NTN4: variants seen among roughly 807,000 people sequenced by gnomAD.
The protein encoded by NTN4 is netrin 4.
NTN4 carries 32 observed loss-of-function variants against 73.6 expected under a neutral mutation model. The observed-to-expected ratio is 0.44, with a 90% confidence interval of 0.33 to 0.58. The LOEUF is 0.58. NTN4 is among the 20% of genes least tolerant of loss of function. NTN4 has a pLI of 0.04. For missense variants in NTN4, 654 were observed against 798.3 expected, an observed-to-expected ratio of 0.82 and a Z score of 2.18; for synonymous variants, 258 against 287.5, an observed-to-expected ratio of 0.90 and a Z score of 1.04.
chr12:95,708,340 T>G lies in NTN4; in HGVS notation c.1180+2101A>C, dbSNP rs185328256. 8.8e-3 allele frequency among the ~76,000 whole-genome samples: 1,333 copies of G among 151,488 alleles called. 20 individuals are homozygous for G. The highest frequency in any genetic ancestry group is 0.03 in the African/African-American group (1,253 of 41,258). The stretch of plus-strand genomic sequence containing the variant: ...TCTTGCTCTGTCGCCCAGGCTGGAG[T>G]GCAGTGGCATGATCTCGGCTCACTG... On this transcript the variant is annotated intron_variant, in intron 5 of 9. Transcript: ENST00000343702.
chr12:95,725,006 A>ATT (rs1555217818), intron 3 of NTN4, among the ~76,000 whole-genome samples: 34 of 135,846 alleles, frequency 2.5e-4, no homozygotes, highest in South Asian at 4.7e-4. Flanking sequence ...TGTCATCAGG[A>ATT]TTTTTTTTTT....
chr12:95,669,340 T>C (rs1345509834), intron 8 of NTN4, among the ~76,000 whole-genome samples: 1 of 152,146 alleles, frequency 6.6e-6, no homozygotes, highest in East Asian at 1.9e-4. Context: ...CCATTTCCCT[T>C]TTTGTACAGG....
chr12:95,778,862 G>T lies in NTN4; in HGVS notation c.585+8077C>A, dbSNP rs1466959348. 4.6e-5 allele frequency among the ~76,000 whole-genome samples: 7 copies of T among 151,856 alleles called. No individual in the cohort carries two copies. In the East Asian group the frequency reaches 1.2e-3, roughly 25 times the overall value. The stretch of plus-strand genomic sequence containing the variant: ...AGCCTGGCAGAGACACAACAAAAAA[G>T]AATTTTAGACCAATATCCCTGATGA... On this transcript the variant is annotated intron_variant, in intron 2 of 9. Coordinates refer to ENST00000343702, the MANE Select transcript of NTN4 (RefSeq NM_021229.4).
chr12:95,726,061 T>C (rs558055196), intron 3 of NTN4, among the ~76,000 whole-genome samples: 2 of 152,106 alleles, frequency 1.3e-5, no homozygotes, highest in Non-Finnish European at 2.9e-5. Flanking sequence ...TTTGTTTTTC[T>C]GTTTTTGTTT....
chr12:95,737,721 C>T (rs1167684416), intron 3 of NTN4, 145 bp downstream of exon 3: 2 of 689,520 alleles, frequency 2.9e-6, no homozygotes, highest in African/African-American at 1.8e-5. Flanking sequence ...AGTTAACAGG[C>T]ACTTTATAGG....
At chr12:95,667,108 G>A (rs2078186512) in intron 8 of NTN4, among the ~76,000 whole-genome samples, 2 of 152,024 alleles carry the variant, frequency 1.3e-5, no homozygotes, top group African/African-American at 4.8e-5. Flanking sequence ...TGGGGATTAA[G>A]TAATGGAATA....
At chr12:95,745,041 G>A (rs554510815) in intron 2 of NTN4, among the ~76,000 whole-genome samples, 10 of 151,964 alleles carry the variant, frequency 6.6e-5, no homozygotes, top group African/African-American at 2.2e-4. Flanking sequence ...TCCTCTGTAC[G>A]TAATGTGCCA....
intron 3 of NTN4, among the ~76,000 whole-genome samples, chr12:95,714,312 G>A (rs1004680846): frequency 2.1e-4 from 32 of 152,264 alleles, no homozygotes; most frequent in African/African-American, 4.6e-4. Context: ...TTATTTACAT[G>A]ATGTCATGAC....
At chr12:95,747,872 C>T (rs190353992) in intron 2 of NTN4, among the ~76,000 whole-genome samples, 2 of 152,074 alleles carry the variant, frequency 1.3e-5, no homozygotes, top group Non-Finnish European at 1.5e-5. Flanking sequence ...TAAAAAATAT[C>T]TTAATTTTTA....
chr12:95,784,187 T>C (rs2079151122), intron 2 of NTN4, among the ~76,000 whole-genome samples: 1 of 152,208 alleles, frequency 6.6e-6, no homozygotes, highest in Non-Finnish European at 1.5e-5. Context: ...AGATGGAAAT[T>C]GGTGACATGG....
intron 2 of NTN4, among the ~76,000 whole-genome samples, chr12:95,757,547 G>C (rs986262920): frequency 6.6e-6 from 1 of 152,160 alleles, no homozygotes; most frequent in Admixed American, 6.6e-5. Context: ...TGGGGAATAA[G>C]AGATGTAGTG....
chr12:95,678,957 T>C (rs920255688), intron 7 of NTN4, among the ~76,000 whole-genome samples: 1 of 152,112 alleles, frequency 6.6e-6, no homozygotes, highest in Non-Finnish European at 1.5e-5. Flanking sequence ...TCTAAAGGTA[T>C]CTAGGAGTAA....
chr12:95,695,421 A>G (rs757415213), intron 5 of NTN4, among the ~76,000 whole-genome samples: 5 of 152,004 alleles, frequency 3.3e-5, no homozygotes, highest in African/African-American at 4.8e-5. Context: ...CTGGAGTGCA[A>G]TGGCGTGATC....
chr12:95,667,096 G>C (rs559919092), intron 8 of NTN4, among the ~76,000 whole-genome samples: 1 of 152,144 alleles, frequency 6.6e-6, no homozygotes, highest in Non-Finnish European at 1.5e-5. Context: ...AATTGATATG[G>C]CTGGGGATTA....
intron 2 of NTN4, among the ~76,000 whole-genome samples, chr12:95,739,331 C>T (rs1381016954): frequency 2.0e-5 from 3 of 152,234 alleles, no homozygotes; most frequent in South Asian, 2.1e-4. Flanking sequence ...GTATTTCTAG[C>T]TATTTTTGAA....
In NTN4 at chr12:95,737,939, C is replaced by A; in HGVS notation, c.791G>T (p.Cys264Phe). 6.2e-7 allele frequency: 1 copy of A among 1,614,124 alleles called. No homozygotes were observed. The highest frequency in any genetic ancestry group is 8.5e-7 in the Non-Finnish European group (1 of 1,180,004). Residue 264 changes from cysteine to phenylalanine, a missense_variant, in exon 3 of 10, where the codon TGC becomes TTC. Physicochemically the swap from Cys to Phe is radical, Grantham distance 205. Coordinates refer to ENST00000343702, the MANE Select transcript of NTN4 (RefSeq NM_021229.4). ...YDFIVKGSCF[C>F]NGHADQCIPV... Reference sequence around the variant, plus strand: ...TATGCATTGATCAGCGTGGCCATTGCAGAAGCAGCTGCCCTTGACAATGAA... The same window carrying A: ...TATGCATTGATCAGCGTGGCCATTGAAGAAGCAGCTGCCCTTGACAATGAA...
intron 5 of NTN4, among the ~76,000 whole-genome samples, chr12:95,697,044 A>C (rs1390768148): frequency 6.6e-6 from 1 of 151,982 alleles, no homozygotes; most frequent in Non-Finnish European, 1.5e-5. Context: ...GTGTGGTGGC[A>C]TGTGCATGTA....
chr12:95,724,293 A>G (rs2121128184), intron 3 of NTN4, among the ~76,000 whole-genome samples: 1 of 152,314 alleles, frequency 6.6e-6, no homozygotes, highest in African/African-American at 2.4e-5. Context: ...GTTACCAATT[A>G]TGAGATTTTT....
Position 95,737,855 on chromosome 12 carries a change from G to C in NTN4, c.864+11C>G. Reference sequence around the variant, plus strand: ...ATTTGTTTTTCTTAGGGGAGGACTTGTTTCACCTACCATGTGGAATGTTCC... The same window carrying C: ...ATTTGTTTTTCTTAGGGGAGGACTTCTTTCACCTACCATGTGGAATGTTCC... On this transcript the variant is annotated intron_variant, in intron 3 of 9. Transcript: ENST00000343702. 1 of 1,601,426 alleles carries C rather than the reference G, an allele frequency of 6.2e-7. No homozygotes were observed. Among genetic ancestry groups the C allele is most frequent in the East Asian group, 2.2e-5 (1 of 44,622 alleles).
Sources: gnomAD v4.1 joint callset for allele counts (sites outside exome capture counted in the v4.1 genomes callset) on GRCh38, gnomAD v4.1.1 for gene constraint, MANE v1.5 for transcripts, NCBI Gene and HGNC (gene_info 2026-07-23, HGNC 2026-07-21) for gene names.